Variants in ESRRB observed in about 807,000 individuals in gnomAD.
ESRRB encodes steroid hormone receptor ERR2.
ESRRB carries 16 observed loss-of-function variants against 46.0 expected under a neutral mutation model. The observed-to-expected ratio is 0.35, with a 90% CI of 0.24 to 0.53. The LOEUF (loss-of-function observed/expected upper bound fraction) is 0.53. Among genes scored for constraint, ESRRB ranks in the 20% least tolerant of loss-of-function variants. ESRRB has a pLI of 0.93. For synonymous variants in ESRRB, 246 were observed against 259.6 expected (o/e 0.95, Z 0.50); for missense variants, 488 against 607.4 (o/e 0.80, Z 2.07).
At chr14:76,406,606 A>G (rs10149502) in intron 1 of ESRRB, among the ~76,000 whole-genome samples, 43,212 of 152,050 alleles carry the variant, frequency 0.28, 6,363 homozygotes, top group East Asian at 0.4. Context: ...CTAGCCAGGT[A>G]TGATGGCAGG....
chr14:76,421,187 G>T (rs1886938113), intron 1 of ESRRB, among the ~76,000 whole-genome samples: 1 of 152,176 alleles, frequency 6.6e-6, no homozygotes, highest in Non-Finnish European at 1.5e-5. Flanking sequence ...GGCTAGGCTG[G>T]CCAGGATAGG....
intron 1 of ESRRB, among the ~76,000 whole-genome samples, chr14:76,362,628 G>T (rs1884477502): frequency 6.6e-6 from 1 of 152,180 alleles, no homozygotes; most frequent in Non-Finnish European, 1.5e-5. Flanking sequence ...CTAGGCATGG[G>T]TCTGATTTGT....
chr14:76,397,097 T>C (rs1885720106), intron 1 of ESRRB, among the ~76,000 whole-genome samples: 1 of 152,250 alleles, frequency 6.6e-6, no homozygotes, highest in Non-Finnish European at 1.5e-5. Context: ...ATCTGGCTTT[T>C]CTGTGTGTCT....
intron 2 of ESRRB, among the ~76,000 whole-genome samples, chr14:76,447,599 C>T (rs981347780): frequency 2.6e-5 from 4 of 152,146 alleles, no homozygotes; most frequent in South Asian, 2.1e-4. Context: ...TAAACAGAAG[C>T]GGTTTTCCTT....
At position 76,500,919 on chromosome 14, in the gene ESRRB, G is replaced by C; in HGVS notation, c.*2461G>C. The C allele has an allele frequency of 1.6e-6, 1 of 637,736 alleles. No homozygotes were observed. Among genetic ancestry groups the C allele is most frequent in the East Asian group, 2.7e-5 (1 of 36,376 alleles). 39.5% of individuals were successfully genotyped at this position (637,736 alleles called of 1,614,324 possible). On this transcript the variant is annotated 3_prime_UTR_variant, in exon 7 of 7. Transcript: ENST00000644823. Reference sequence around the variant, plus strand: ...AACAGGAAATGTGTCAGTAACAATGGAACTCCATCCAATGGGAAAGTTCCT... The same window carrying C: ...AACAGGAAATGTGTCAGTAACAATGCAACTCCATCCAATGGGAAAGTTCCT...
intron 1 of ESRRB, among the ~76,000 whole-genome samples, chr14:76,420,826 T>C (rs779581506): frequency 6.6e-6 from 1 of 152,108 alleles, no homozygotes; most frequent in African/African-American, 2.4e-5. Flanking sequence ...CCTCAAAGTT[T>C]CTAAATTCAG....
At chr14:76,353,135 G>T (rs1320622916) in intron 1 of ESRRB, among the ~76,000 whole-genome samples, 1 of 152,230 alleles carries the variant, frequency 6.6e-6, no homozygotes, top group African/African-American at 2.4e-5. Flanking sequence ...TCACGAGCGT[G>T]CCATTGTCCC....
chr14:76,446,848 A>G (rs897795862), intron 2 of ESRRB, among the ~76,000 whole-genome samples: 1 of 152,094 alleles, frequency 6.6e-6, no homozygotes, highest in Non-Finnish European at 1.5e-5. Flanking sequence ...AGTGCCTCTG[A>G]GAGATGGAGC....
intron 3 of ESRRB, 84 bp from the exon 4 acceptor site, chr14:76,481,932 C>A: frequency 1.6e-6 from 2 of 1,288,118 alleles, no homozygotes; most frequent in Admixed American, 1.9e-5. Flanking sequence ...AAGGACCCAG[C>A]CAGTGCTGAA....
At chr14:76,426,518 C>T (rs763056871) in intron 1 of ESRRB, among the ~76,000 whole-genome samples, 1 of 152,140 alleles carries the variant, frequency 6.6e-6, no homozygotes, top group Non-Finnish European at 1.5e-5. Flanking sequence ...TTGCAAGGGA[C>T]ACCATGATTT....
chr14:76,425,094 T>A (rs938094854), intron 1 of ESRRB, among the ~76,000 whole-genome samples: 3 of 151,926 alleles, frequency 2.0e-5, no homozygotes, highest in Admixed American at 2.0e-4. Flanking sequence ...TGGGTTATTC[T>A]CAGAAGTGCA....
At chr14:76,465,750 A>G (rs992066103) in intron 3 of ESRRB, among the ~76,000 whole-genome samples, 2 of 152,174 alleles carry the variant, frequency 1.3e-5, no homozygotes, top group Non-Finnish European at 2.9e-5. Flanking sequence ...TGCCTGAAGG[A>G]GGAAGGGACA....
At chr14:76,339,378 C>T (rs74327133) in intron 1 of ESRRB, among the ~76,000 whole-genome samples, 261 of 152,298 alleles carry the variant, frequency 1.7e-3, no homozygotes, top group African/African-American at 5.8e-3. Context: ...AGATAATGAA[C>T]GCACTTAACA....
intron 1 of ESRRB, among the ~76,000 whole-genome samples, chr14:76,312,449 A>G (rs1883749395): frequency 6.6e-6 from 1 of 152,010 alleles, no homozygotes; most frequent in Admixed American, 6.6e-5. Flanking sequence ...AGTGGGGATC[A>G]GGAAGCAATG....
In ESRRB at chr14:76,439,379, G is replaced by T. The variant is rs771437908; in HGVS notation, c.89G>T (p.Gly30Val). 9.3e-6 allele frequency: 15 copies of T among 1,613,550 alleles called. No individual in the cohort carries two copies. Among genetic ancestry groups the T allele is most frequent in the Non-Finnish European group, 1.1e-5 (13 of 1,180,044 alleles). Residue 30 changes from glycine (G) to valine (V), a missense_variant, in exon 2 of 7, where the codon GGC (glycine) becomes GTC (valine). Coordinates refer to ENST00000644823, the MANE Select transcript of ESRRB (RefSeq NM_001379180.1). ...NRMSSDDRHL[G>V]SSCGSFIKTE... ...ATGTCCTCGGACGACAGGCACCTGG[G>T]CTCCAGCTGCGGCTCCTTCATCAAG...
At chr14:76,484,637 T>C (rs918563481) in intron 5 of ESRRB, among the ~76,000 whole-genome samples, 2 of 152,154 alleles carry the variant, frequency 1.3e-5, no homozygotes. Context: ...ACGGAGGAAG[T>C]AGATAAGACC....
chr14:76,498,422 C>A lies in ESRRB; in HGVS notation c.1329C>A (p.His443Gln). ...AACTGCAGGGCAAAGTGCCCATGCA[C>A]AAACTCTTCCTGGAGATGCTGGAGG... ...SVKLQGKVPM[H>Q]KLFLEMLEAK... The change falls in exon 7 of 7, where the codon CAC (histidine) becomes CAA (glutamine). Residue 443 changes from histidine (H) to glutamine (Q), a missense_variant. By Grantham distance (24) the His-to-Gln change is conservative (BLOSUM62 0). Coordinates refer to ENST00000644823, the MANE Select transcript of ESRRB (RefSeq NM_001379180.1). 2 of 1,613,554 alleles carry A rather than the reference C, an allele frequency of 1.2e-6. No individual in the cohort carries two copies. The highest frequency in any genetic ancestry group is 1.3e-5 in the African/African-American group (1 of 75,078).
intron 1 of ESRRB, among the ~76,000 whole-genome samples, chr14:76,355,514 A>G (rs571456420): frequency 6.9e-4 from 105 of 152,232 alleles, no homozygotes; most frequent in African/African-American, 2.4e-3. Context: ...GCTTGTATCA[A>G]TGTGGATCAT....
chr14:76,352,011 C>CAAAAAAAAAAAAAAAAAAAAAAAA (rs1884319857), intron 1 of ESRRB, among the ~76,000 whole-genome samples: 1 of 109,052 alleles, frequency 9.2e-6, no homozygotes, highest in African/African-American at 3.5e-5. Flanking sequence ...AAAAAAAAAG[C>CAAAAAAAAAAAAAAAAAAAAAAAA]AAACTCCAAG....
Sources: allele counts gnomAD v4.1 joint callset (sites outside exome capture counted in the v4.1 genomes callset), GRCh38; gene constraint gnomAD v4.1.1; transcripts MANE v1.5; gene names NCBI Gene and HGNC (gene_info 2026-07-23, HGNC 2026-07-21).